Variants in NAALADL2 observed in about 807,000 individuals in gnomAD.
The protein encoded by NAALADL2 is inactive N-acetylated-alpha-linked acidic dipeptidase-like protein 2.
Under a neutral mutation model 87.2 loss-of-function variants are expected in NAALADL2, and 76 were observed. The observed-to-expected ratio is 0.87, with a 90% CI of 0.72 to 1.05. NAALADL2 has a LOEUF of 1.05. Among genes scored for constraint, NAALADL2 ranks in the 50% least tolerant of loss-of-function variants. The probability of loss-of-function intolerance (pLI) is 0.00; values close to 1 mark genes in which losing one functional copy is unlikely to be tolerated. For missense variants in NAALADL2, 1,089 were observed against 945.8 expected, an observed-to-expected ratio of 1.15 and a Z score of -1.99; for synonymous variants, 354 against 331.0, an observed-to-expected ratio of 1.07 and a Z score of -0.75.
At chr3:175,540,617 A>T (rs11718753) in intron 9 of NAALADL2, among the ~76,000 whole-genome samples, 94,059 of 151,892 alleles carry the variant, frequency 0.62, 31,127 homozygotes, top group East Asian at 0.87. Flanking sequence ...GGAAGGCCAG[A>T]TAGAAGGCCA....
chr3:175,802,810 A>G (rs981128907), intron 13 of NAALADL2, among the ~76,000 whole-genome samples, 195 bp from the exon 14 acceptor site: 1 of 151,806 alleles, frequency 6.6e-6, no homozygotes, highest in Admixed American at 6.6e-5. Context: ...TCTCTTTCTC[A>G]TCAATATGGG....
chr3:174,630,999 G>C (rs1430984712), intron 2 of NAALADL2, among the ~76,000 whole-genome samples: 2 of 152,126 alleles, frequency 1.3e-5, no homozygotes, highest in African/African-American at 4.8e-5. Flanking sequence ...AGAAGAGCCT[G>C]TTATGGCATG....
intron 5 of NAALADL2, among the ~76,000 whole-genome samples, chr3:175,436,346 G>C (rs1299848058): frequency 6.7e-6 from 1 of 149,518 alleles, no homozygotes; most frequent in Non-Finnish European, 1.5e-5. Context: ...CATGATTTAT[G>C]GTCTTTTGGG....
At chr3:175,400,402 C>G (rs909230516) in intron 5 of NAALADL2, among the ~76,000 whole-genome samples, 6 of 152,138 alleles carry the variant, frequency 3.9e-5, no homozygotes, top group Non-Finnish European at 7.4e-5. Context: ...TTAGCTTCCT[C>G]TAGAACCAGG....
Position 175,073,123 on chromosome 3 carries a change from A to G in NAALADL2, c.44-23667A>G, listed in dbSNP as rs183673516. 1.5e-3 allele frequency among the ~76,000 whole-genome samples: 233 copies of G among 152,162 alleles called. 5 individuals carry two copies. The highest frequency in any genetic ancestry group is 2.8e-4 in the Non-Finnish European group (19 of 67,956). The stretch of plus-strand genomic sequence containing the variant: ...CTCAGTGATGTTTTAAAATATCATT[A>G]AATAATTTTTAGGCCAAATGTATAA... On this transcript the variant is annotated intron_variant, in intron 1 of 13. Transcript: ENST00000454872.
intron 2 of NAALADL2, among the ~76,000 whole-genome samples, chr3:174,720,366 A>T (rs1243874675): frequency 6.6e-6 from 1 of 152,220 alleles, no homozygotes; most frequent in Non-Finnish European, 1.5e-5. Flanking sequence ...GTAACAAAGT[A>T]ATAACTAATT....
intron 4 of NAALADL2, among the ~76,000 whole-genome samples, chr3:175,277,459 C>G (rs907393900): frequency 6.6e-6 from 1 of 152,020 alleles, no homozygotes; most frequent in African/African-American, 2.4e-5. Context: ...ATCTAAAAAC[C>G]AATACGGGAC....
At chr3:175,483,327 T>C (rs1240501956) in intron 9 of NAALADL2, among the ~76,000 whole-genome samples, 1 of 98,258 alleles carries the variant, frequency 1.0e-5, no homozygotes, top group Admixed American at 9.2e-5. Context: ...ACTTTTTGGC[T>C]TTTTTTTTTT....
At chr3:175,534,672 A>T (rs1242860340) in intron 9 of NAALADL2, among the ~76,000 whole-genome samples, 17 of 150,124 alleles carry the variant, frequency 1.1e-4, no homozygotes, top group Non-Finnish European at 4.4e-5. Flanking sequence ...TTTTCTTTCC[A>T]ATTAACAGAA....
intron 9 of NAALADL2, among the ~76,000 whole-genome samples, chr3:175,522,329 A>G (rs900218912): frequency 1.3e-5 from 2 of 152,338 alleles, no homozygotes; most frequent in African/African-American, 2.4e-5. Flanking sequence ...TAATATATGA[A>G]CATCAGCAGC....
intron 1 of NAALADL2, among the ~76,000 whole-genome samples, chr3:174,455,226 T>C (rs1443944101): frequency 2.0e-5 from 3 of 151,988 alleles, no homozygotes; most frequent in Non-Finnish European, 4.4e-5. Context: ...TGAAAGTGTA[T>C]CAGTAATAAG....
intron 8 of NAALADL2, among the ~76,000 whole-genome samples, chr3:175,467,984 T>C (rs1335995794): frequency 2.0e-5 from 3 of 152,170 alleles, no homozygotes; most frequent in Non-Finnish European, 4.4e-5. Context: ...AAACACTACA[T>C]AATTTTACTA....
chr3:175,627,345 G>C lies in NAALADL2; in HGVS notation c.1855G>C (p.Glu619Gln). The change falls in exon 11 of 14, where the codon GAA becomes CAA. Residue 619 changes from glutamate to glutamine, a missense_variant. Glu to Gln is a conservative substitution (Grantham distance 29, BLOSUM62 2). Transcript: ENST00000454872. Reference protein sequence around the residue: ...RFSTRATKIEEMDPSFNLHET... With the variant: ...RFSTRATKIEQMDPSFNLHET... ...TTCTACACGAGCAACAAAAATTGAA[G>C]AAATGGATCCCTCTTTCAACCTTCA... 6.4e-7 allele frequency: 1 copy of C among 1,572,654 alleles called. No homozygotes were observed. The highest frequency in any genetic ancestry group is 8.6e-7 in the Non-Finnish European group (1 of 1,156,538).
intron 2 of NAALADL2, among the ~76,000 whole-genome samples, chr3:174,717,544 T>G (rs1168321887): frequency 6.6e-6 from 1 of 152,198 alleles, no homozygotes; most frequent in Non-Finnish European, 1.5e-5. Flanking sequence ...AGGCCAAATG[T>G]GTGCTTTCAG....
intron 3 of NAALADL2, among the ~76,000 whole-genome samples, chr3:174,794,202 C>T (rs575180772): frequency 2.6e-5 from 4 of 152,046 alleles, no homozygotes; most frequent in East Asian, 3.9e-4. Flanking sequence ...ATAACAGGTT[C>T]GATTCAGAAT....
intron 1 of NAALADL2, among the ~76,000 whole-genome samples, chr3:175,006,577 T>C (rs1447478618): frequency 2.6e-5 from 4 of 152,050 alleles, no homozygotes; most frequent in Admixed American, 6.6e-5. Context: ...TATTTTTTTT[T>C]CTTGTTTCTT....
intron 2 of NAALADL2, among the ~76,000 whole-genome samples, chr3:174,660,327 T>C (rs1014786060): frequency 6.6e-6 from 1 of 152,184 alleles, no homozygotes; most frequent in Non-Finnish European, 1.5e-5. Context: ...GATTAACTTA[T>C]TCAGTGTTAA....
rs148790316 is a variant in NAALADL2, at chr3:174,898,447, G to T, written c.43+38997G>T. 1.3e-3 allele frequency among the ~76,000 whole-genome samples: 197 copies of T among 151,948 alleles called. No homozygotes were observed. The East Asian group carries it at 0.034, about 26-fold the overall frequency. Reference sequence around the variant, plus strand: ...AGACTGACTATTTGATAGCACAACAGGGTGACTATAGTCAATAATAACTTA... The same window carrying T: ...AGACTGACTATTTGATAGCACAACATGGTGACTATAGTCAATAATAACTTA... On this transcript the variant is annotated intron_variant, in intron 1 of 13. Transcript: ENST00000454872.
At chr3:175,429,072 A>G (rs915176916) in intron 5 of NAALADL2, among the ~76,000 whole-genome samples, 4 of 151,792 alleles carry the variant, frequency 2.6e-5, no homozygotes, top group African/African-American at 9.7e-5. Context: ...CAGGGAGTAA[A>G]CAAGACTCTA....
Sources: allele counts gnomAD v4.1 joint callset (sites outside exome capture counted in the v4.1 genomes callset), GRCh38; gene constraint gnomAD v4.1.1; transcripts MANE v1.5; gene names NCBI Gene and HGNC (gene_info 2026-07-23, HGNC 2026-07-21).